The following AGBL2 variants were observed in gnomAD, a reference collection of about 807,000 sequenced individuals.
AGBL2 encodes the protein cytosolic carboxypeptidase 2.
Under a neutral mutation model 103.0 loss-of-function variants are expected in AGBL2, and 87 were observed. That is an observed-to-expected ratio of 0.84 (90% CI 0.71 to 1.01). The LOEUF (loss-of-function observed/expected upper bound fraction) is 1.01. Ranked by LOEUF, AGBL2 falls within the 50% of genes least tolerant of loss-of-function variation. The pLI is 0.00. For missense variants in AGBL2, 904 were observed against 1,023.5 expected, an observed-to-expected ratio of 0.88 and a Z score of 1.59; for synonymous variants, 335 against 356.7, an observed-to-expected ratio of 0.94 and a Z score of 0.69.
At chr11:47,665,487 T>C (rs2097339093) in intron 17 of AGBL2, among the ~76,000 whole-genome samples, 2 of 151,370 alleles carry the variant, frequency 1.3e-5, no homozygotes. Context: ...TGAGCCACCG[T>C]GCCTGGCCAC....
At chr11:47,709,326 T>A in intron 4 of AGBL2, among the ~76,000 whole-genome samples, 1 of 108,056 alleles carries the variant, frequency 9.3e-6, no homozygotes, top group Non-Finnish European at 1.9e-5. Context: ...GGATGGGAGG[T>A]GGTAGGACTC....
chr11:47,683,928 T>TA (rs542131374), intron 11 of AGBL2, among the ~76,000 whole-genome samples: 6,080 of 129,052 alleles, frequency 0.047, 380 homozygotes, highest in African/African-American at 0.16. Flanking sequence ...CTGTCTCTAT[T>TA]AAAAAAAAAA....
intron 8 of AGBL2, among the ~76,000 whole-genome samples, chr11:47,694,128 T>A (rs2097458359): frequency 6.6e-6 from 1 of 151,926 alleles, no homozygotes; most frequent in Non-Finnish European, 1.5e-5. Context: ...AGCTGAGAGG[T>A]CGAGGCTGCA....
intron 8 of AGBL2, 27 bp from the exon 9 acceptor site, chr11:47,692,283 A>C: frequency 8.7e-6 from 14 of 1,608,050 alleles, no homozygotes; most frequent in Non-Finnish European, 1.2e-5. Context: ...TATTTAGGCT[A>C]GGTTCTACTC....
chr11:47,698,236 G>A (rs1016665130), intron 8 of AGBL2, among the ~76,000 whole-genome samples: 2 of 140,200 alleles, frequency 1.4e-5, no homozygotes, highest in African/African-American at 5.4e-5. Context: ...TGCATGGCAC[G>A]ATCTTGGCTC....
Position 47,690,259 on chromosome 11 carries a change from G to A in AGBL2, c.1448C>T (p.Ser483Phe). The A allele has an allele frequency of 6.2e-7, 1 of 1,614,054 alleles. No homozygotes were observed. The highest frequency in any genetic ancestry group is 2.2e-5 in the East Asian group (1 of 44,884). The change falls in exon 10 of 19, where the codon TCC becomes TTC. Residue 483 changes from serine to phenylalanine, a missense_variant. Physicochemically the swap from Ser to Phe is radical, Grantham distance 155. Transcript: ENST00000525123. ...KGFLDFILSN[S>F]PDAQLLRDIF... The stretch of plus-strand genomic sequence containing the variant: ...ATCTCTGAGGAGCTGGGCATCTGGG[G>A]AGTTGCTAAGGATGAAGTCCAAAAA...
chr11:47,699,783 A>C (rs1249485633), intron 7 of AGBL2, among the ~76,000 whole-genome samples: 3 of 152,142 alleles, frequency 2.0e-5, no homozygotes, highest in Non-Finnish European at 4.4e-5. Flanking sequence ...AATATAAACT[A>C]TCCATAGAAG....
intron 14 of AGBL2, among the ~76,000 whole-genome samples, chr11:47,675,816 G>A (rs942030476): frequency 6.6e-6 from 1 of 151,964 alleles, no homozygotes; most frequent in African/African-American, 2.4e-5. Flanking sequence ...GACCAGCCTG[G>A]GCAACATGGC....
intron 8 of AGBL2, among the ~76,000 whole-genome samples, chr11:47,695,517 G>A (rs1156745232): frequency 7.3e-6 from 1 of 137,924 alleles, no homozygotes; most frequent in East Asian, 2.2e-4. Flanking sequence ...AATGGGACCT[G>A]TAATCCTAGC....
At chr11:47,702,553 C>T (rs1429553597) in intron 7 of AGBL2, among the ~76,000 whole-genome samples, 4 of 152,036 alleles carry the variant, frequency 2.6e-5, no homozygotes, top group Non-Finnish European at 5.9e-5. Flanking sequence ...CACATATGAA[C>T]GAATATTATA....
chr11:47,690,383 G>A lies in AGBL2; in HGVS notation c.1324C>T (p.Pro442Ser), dbSNP rs1414810597. 2.5e-6 allele frequency: 4 copies of A among 1,614,008 alleles called. No individual in the cohort carries two copies. The highest frequency in any genetic ancestry group is 1.3e-5 in the African/African-American group (1 of 74,908). Residue 442 changes from proline (P) to serine (S), a missense_variant, in exon 10 of 19, where the codon CCA (proline) becomes TCA (serine). Physicochemically the swap from Pro to Ser is moderately conservative, Grantham distance 74. Coordinates refer to ENST00000525123, the MANE Select transcript of AGBL2 (RefSeq NM_024783.4). ...NTVYLLTITN[P>S]SQTPQEAAAK... ...GCTGCCTCTTGAGGGGTCTGGGATG[G>A]GTTGGTGATGGTGAGCAAGTAAACG... is the stretch of plus-strand genomic sequence containing the variant.
intron 14 of AGBL2, among the ~76,000 whole-genome samples, chr11:47,672,553 G>T (rs1288133271): frequency 6.6e-6 from 1 of 151,960 alleles, no homozygotes; most frequent in Non-Finnish European, 1.5e-5. Flanking sequence ...GGGCTAAAGT[G>T]ATCCGCCCAT....
At chr11:47,680,347 T>G (rs1256602051) in intron 12 of AGBL2, among the ~76,000 whole-genome samples, 27 of 151,682 alleles carry the variant, frequency 1.8e-4, no homozygotes, top group African/African-American at 6.1e-4. Context: ...TGTAGTCCTA[T>G]CTCCTCAGGA....
At chr11:47,704,387 G>C (rs187140315) in intron 7 of AGBL2, among the ~76,000 whole-genome samples, 156 bp downstream of exon 7, 1 of 151,814 alleles carries the variant, frequency 6.6e-6, no homozygotes, top group Non-Finnish European at 1.5e-5. Flanking sequence ...GGAGGCTGAG[G>C]GAGGAGAATC....
chr11:47,714,926 C>T (rs2097545701), intron 1 of AGBL2, 176 bp from the exon 2 acceptor site: 3 of 489,056 alleles, frequency 6.1e-6, no homozygotes, highest in African/African-American at 5.9e-5. Flanking sequence ...CTTCCCGCTT[C>T]TTCTTCCCAA....
At chr11:47,675,788 T>A (rs1565020744) in intron 14 of AGBL2, among the ~76,000 whole-genome samples, 2 of 152,004 alleles carry the variant, frequency 1.3e-5, no homozygotes, top group African/African-American at 2.4e-5. Context: ...GGCAGATCCG[T>A]TGAGCTCAGT....
rs761171393 is a variant in AGBL2 at position 47,667,030 on chromosome 11, G to T, written c.2374C>A (p.Gln792Lys). The change falls in exon 17 of 19, where the codon CAG becomes AAG. Residue 792 changes from glutamine (Q) to lysine (K), a missense_variant. Gln to Lys is a moderately conservative substitution (Grantham distance 53). Transcript: ENST00000525123. ...KAGFASTLQK[Q>K]PTFFKNSENS... ...TCTGAGTTTTTGAAAAAGGTTGGCT[G>T]CTTTTGCAGAGTAGAAGCAAATCCT... 1 of 1,612,482 alleles carries T rather than the reference G, an allele frequency of 6.2e-7. No individual in the cohort carries two copies. The highest frequency in any genetic ancestry group is 2.2e-5 in the East Asian group (1 of 44,870).
intron 9 of AGBL2, among the ~76,000 whole-genome samples, chr11:47,691,654 G>A (rs1159742564): frequency 7.4e-6 from 1 of 135,744 alleles, no homozygotes. Flanking sequence ...CTTGCAGTGA[G>A]CCAAGATCAT....
In AGBL2 at chr11:47,678,288, C is replaced by CTATTTTATTTTATTTTATTT. The variant is rs10557006; in HGVS notation, c.2017-907_2017-888dup. Among the ~76,000 whole-genome samples the CTATTTTATTTTATTTTATTT allele has an allele frequency of 3.3e-3, 408 of 123,922 alleles. 8 individuals carry two copies. The highest frequency in any genetic ancestry group is 0.011 in the African/African-American group (391 of 35,764). 81.3% of individuals were successfully genotyped at this position (123,922 alleles called of 152,430 possible). A position where few individuals can be genotyped will look rare whatever the true frequency, so the allele number is the denominator to read the frequency against. ...CCAACTTCTTCAACAATGCAATACT[C>CTATTTTATTTTATTTTATTT]TATTTTATTTTATTTTATTTTATTT... On this transcript the variant is annotated intron_variant, in intron 13 of 18. Transcript: ENST00000525123.
Sources: gnomAD v4.1 joint callset for allele counts (sites outside exome capture counted in the v4.1 genomes callset) on GRCh38, gnomAD v4.1.1 for gene constraint, MANE v1.5 for transcripts, NCBI Gene and HGNC (gene_info 2026-07-23, HGNC 2026-07-21) for gene names.